IST1: variants seen among roughly 807,000 people sequenced by gnomAD.
IST1 encodes IST1 factor associated with ESCRT-III.
Under a neutral mutation model 37.0 loss-of-function variants are expected in IST1, and 23 were observed. That is an observed-to-expected ratio of 0.62 (90% CI 0.45 to 0.88). IST1 has a LOEUF of 0.88. Among genes scored for constraint, IST1 ranks in the 40% least tolerant of loss-of-function variants. The pLI, the probability that IST1 is intolerant of heterozygous loss-of-function variation, is 0.00. For missense variants in IST1, 488 were observed against 445.4 expected (o/e 1.10, Z -0.86); for synonymous variants, 180 against 161.7 (o/e 1.11, Z -0.86).
chr16:71,922,153 A>G (rs970231767), intron 6 of IST1, among the ~76,000 whole-genome samples: 3 of 151,770 alleles, frequency 2.0e-5, no homozygotes, highest in African/African-American at 7.3e-5. Context: ...AAAAAAAACC[A>G]TCCGCCAGTT....
At chr16:71,905,173 C>T (rs1400735988) in intron 1 of IST1, among the ~76,000 whole-genome samples, 2 of 151,288 alleles carry the variant, frequency 1.3e-5, no homozygotes, top group Non-Finnish European at 2.9e-5. Flanking sequence ...GTAGCTGGGA[C>T]TGCAGGTGCG....
chr16:71,910,248 G>C (rs2037319869), intron 1 of IST1, among the ~76,000 whole-genome samples: 1 of 152,074 alleles, frequency 6.6e-6, no homozygotes, highest in Admixed American at 6.6e-5. Context: ...CCTTTGTCCA[G>C]CATATCCACG....
intron 4 of IST1, among the ~76,000 whole-genome samples, chr16:71,919,169 A>T (rs545524618): frequency 7.2e-5 from 11 of 152,308 alleles, no homozygotes; most frequent in African/African-American, 2.6e-4. Context: ...CTTGTGATAG[A>T]AACAAAACTC....
At chr16:71,923,055 C>T (rs545116977) in intron 7 of IST1, 58 of 468,188 alleles carry the variant, frequency 1.2e-4, no homozygotes, top group African/African-American at 1.0e-3. Context: ...TAGAGTTTTC[C>T]CTTGTAAACA....
At chr16:71,904,712 ACTTT>A (rs1707770077) in intron 1 of IST1, among the ~76,000 whole-genome samples, 1 of 152,120 alleles carries the variant, frequency 6.6e-6, no homozygotes, top group African/African-American at 2.4e-5. Context: ...CTGGCCTCCA[ACTTT>A]CTTTTGATTA....
intron 1 of IST1, among the ~76,000 whole-genome samples, chr16:71,897,472 T>C (rs906644619): frequency 3.6e-4 from 55 of 152,320 alleles, no homozygotes; most frequent in Non-Finnish European, 5.9e-4. Flanking sequence ...ATTTAAGCTC[T>C]GGTTCTTGTA....
chr16:71,930,314 A>T lies in IST1; in HGVS notation c.*2501A>T, dbSNP rs929054149. The T allele has an allele frequency of 1.5e-5, 13 of 887,542 alleles. No individual in the cohort carries two copies. Among genetic ancestry groups the T allele is most frequent in the Non-Finnish European group, 2.1e-5 (13 of 628,274 alleles). The allele number at this position is 887,542 out of a possible 1,614,324, so 55.0% of individuals were successfully genotyped here. A position where few individuals can be genotyped will look rare whatever the true frequency, so the allele number is the denominator to read the frequency against. ...CCGAAGGAAACTTAGGGAGAGAGTC[A>T]AAAGATAATAAGAAGGAAAATACTT... On this transcript the variant is annotated 3_prime_UTR_variant, in exon 10 of 10. Coordinates refer to ENST00000378799, the MANE Select transcript of IST1 (RefSeq NM_001270975.2).
intron 9 of IST1, among the ~76,000 whole-genome samples, chr16:71,927,042 C>T (rs1181477814): frequency 2.6e-5 from 4 of 152,116 alleles, no homozygotes; most frequent in Non-Finnish European, 5.9e-5. Context: ...AGTAACAGAC[C>T]TTATGAAAAG....
chr16:71,926,788 A>G (rs958858871), intron 9 of IST1, among the ~76,000 whole-genome samples: 1 of 152,056 alleles, frequency 6.6e-6, no homozygotes, highest in Non-Finnish European at 1.5e-5. Flanking sequence ...ATTTTTTTGT[A>G]ATTTAGTTTT....
chr16:71,916,937 C>G, intron 3 of IST1, 110 bp from the exon 4 acceptor site: 1 of 676,700 alleles, frequency 1.5e-6, no homozygotes, highest in Non-Finnish European at 2.4e-6. Flanking sequence ...TTGTGAGAAT[C>G]TAGTGAGATT....
chr16:71,896,718 C>T (rs1021001864), intron 1 of IST1, among the ~76,000 whole-genome samples: 1 of 151,984 alleles, frequency 6.6e-6, no homozygotes, highest in Admixed American at 6.6e-5. Flanking sequence ...GGTGGCTCAC[C>T]CCTGTAATCC....
Position 71,929,845 on chromosome 16 carries a change from A to G in IST1, c.*2032A>G. 1.0e-6 allele frequency: 1 copy of G among 954,410 alleles called. No homozygotes were observed. Among genetic ancestry groups the G allele is most frequent in the Non-Finnish European group, 1.5e-6 (1 of 657,746 alleles). The allele number at this position is 954,410 out of a possible 1,614,324, so 59.1% of individuals were successfully genotyped here. A position where few individuals can be genotyped will look rare whatever the true frequency, so the allele number is the denominator to read the frequency against. ...GTGTTTCCACTAATGGTTGCGAGCC[A>G]ACTATTTATAGGACAATGGCTATAG... On this transcript the variant is annotated 3_prime_UTR_variant, in exon 10 of 10. Transcript: ENST00000378799.
At chr16:71,900,126 A>G (rs897097944) in intron 1 of IST1, among the ~76,000 whole-genome samples, 4 of 150,290 alleles carry the variant, frequency 2.7e-5, no homozygotes, top group Non-Finnish European at 5.9e-5. Context: ...AAATCGCACC[A>G]TTGCATTCCA....
upstream of IST1, chr16:71,895,425 C>A (rs1004957097): frequency 1.3e-6 from 1 of 747,378 alleles, no homozygotes; most frequent in African/African-American, 1.9e-5. Context: ...GCGTGGGTCC[C>A]GGCAGCGGCG....
At chr16:71,926,546 C>T (rs1183672982) in intron 9 of IST1, among the ~76,000 whole-genome samples, 6 of 151,866 alleles carry the variant, frequency 4.0e-5, no homozygotes, top group African/African-American at 1.5e-4. Context: ...TGGGGTTTCA[C>T]CATGTTAGCC....
At chr16:71,927,167 A>T (rs957878148) in intron 9 of IST1, among the ~76,000 whole-genome samples, 2 of 152,152 alleles carry the variant, frequency 1.3e-5, no homozygotes, top group African/African-American at 2.4e-5. Flanking sequence ...GAAAATGTAG[A>T]TATTAACTGT....
chr16:71,911,804 C>G (rs1365919110), intron 1 of IST1, among the ~76,000 whole-genome samples: 1 of 145,556 alleles, frequency 6.9e-6, no homozygotes, highest in Non-Finnish European at 1.5e-5. Flanking sequence ...TTAGCCTTGA[C>G]TTCCCAGGCT....
At position 71,930,792 on chromosome 16, in the gene IST1, G is replaced by A. The variant is rs1567482610; in HGVS notation, c.*2979G>A. On this transcript the variant is annotated 3_prime_UTR_variant, in exon 10 of 10. Coordinates refer to ENST00000378799, the MANE Select transcript of IST1 (RefSeq NM_001270975.2). ...AAAAACTGTTGTTTAAAATTTAGAT[G>A]TTCTTTTTCAACAAATGGTATTTAT... 2 of 152,058 alleles carry A rather than the reference G, an allele frequency of 1.3e-5. No individual in the cohort carries two copies. Among genetic ancestry groups the A allele is most frequent in the Non-Finnish European group, 2.9e-5 (2 of 68,028 alleles). The allele number at this position is 152,058 out of a possible 1,614,324, so 9.4% of individuals were successfully genotyped here.
At chr16:71,919,119 G>A (rs7188591) in intron 4 of IST1, among the ~76,000 whole-genome samples, 37,584 of 152,074 alleles carry the variant, frequency 0.25, 4,869 homozygotes, top group Non-Finnish European at 0.28. Context: ...ATCCTGTCAC[G>A]ACCTCTTGCT....
Sources: allele counts gnomAD v4.1 joint callset (sites outside exome capture counted in the v4.1 genomes callset), GRCh38; gene constraint gnomAD v4.1.1; transcripts MANE v1.5; gene names NCBI Gene and HGNC (gene_info 2026-07-23, HGNC 2026-07-21).